CDH10: variants seen among roughly 807,000 people sequenced by gnomAD.
CDH10 encodes the protein cadherin-10.
CDH10 carries 30 observed loss-of-function variants against 73.1 expected under a neutral mutation model. That is an observed-to-expected ratio of 0.41 (90% CI 0.31 to 0.56). The LOEUF is 0.56. Ranked by LOEUF, CDH10 falls within the 20% of genes least tolerant of loss-of-function variation. The pLI is 0.27. For synonymous variants in CDH10, 345 were observed against 348.2 expected (o/e 0.99, Z 0.10); for missense variants, 815 against 973.7 (o/e 0.84, Z 2.17).
At chr5:24,585,732 C>G (rs182844942) in intron 2 of CDH10, among the ~76,000 whole-genome samples, 11 of 152,296 alleles carry the variant, frequency 7.2e-5, no homozygotes, top group Admixed American at 7.2e-4. Flanking sequence ...CCCAAACATA[C>G]TTTTTCTTGG....
chr5:24,605,298 G>A (rs1234146493), intron 1 of CDH10, among the ~76,000 whole-genome samples: 1 of 152,208 alleles, frequency 6.6e-6, no homozygotes. Context: ...GAGGTGAGGA[G>A]CCTGTGACCA....
intron 5 of CDH10, among the ~76,000 whole-genome samples, chr5:24,522,735 T>C (rs1440854074): frequency 6.6e-6 from 1 of 152,112 alleles, no homozygotes; most frequent in East Asian, 1.9e-4. Context: ...CTAAAAAAGA[T>C]CTAAAAGATT....
intron 2 of CDH10, among the ~76,000 whole-genome samples, chr5:24,583,473 G>A (rs1031657250): frequency 6.6e-6 from 1 of 152,010 alleles, no homozygotes; most frequent in Non-Finnish European, 1.5e-5. Flanking sequence ...TAATGGCTAT[G>A]AAAATTAATT....
intron 2 of CDH10, among the ~76,000 whole-genome samples, chr5:24,587,439 G>A (rs369674338): frequency 2.0e-5 from 3 of 152,096 alleles, no homozygotes; most frequent in African/African-American, 4.8e-5. Flanking sequence ...GAAAATGAGA[G>A]AGCTCTGGTA....
chr5:24,487,494 G>C lies in CDH10; in HGVS notation c.*169C>G. 1 of 626,144 alleles carries C rather than the reference G, an allele frequency of 1.6e-6. No individual in the cohort carries two copies. The highest frequency in any genetic ancestry group is 2.1e-5 in the South Asian group (1 of 48,680). 38.8% of individuals were successfully genotyped at this position (626,144 alleles called of 1,614,324 possible). ...ATAAAATGTCATATATATTCCATGAGACATCCTACAGGAAAGAATTAATGT... is the reference window on the plus strand; with the variant it reads ...ATAAAATGTCATATATATTCCATGACACATCCTACAGGAAAGAATTAATGT... On this transcript the variant is annotated 3_prime_UTR_variant, in exon 12 of 12. Transcript: ENST00000264463.
chr5:24,516,655 T>C (rs1296104567), intron 5 of CDH10, among the ~76,000 whole-genome samples: 1 of 152,038 alleles, frequency 6.6e-6, no homozygotes, highest in Non-Finnish European at 1.5e-5. Context: ...TTTATTGTTT[T>C]CTGCAAATCC....
intron 8 of CDH10, among the ~76,000 whole-genome samples, chr5:24,499,100 G>T (rs1332016453): frequency 6.6e-6 from 1 of 152,080 alleles, no homozygotes; most frequent in East Asian, 1.9e-4. Context: ...CTATGTCTGT[G>T]ACTACTTTTA....
chr5:24,501,965 C>T (rs117070847), intron 8 of CDH10, among the ~76,000 whole-genome samples: 1 of 151,892 alleles, frequency 6.6e-6, no homozygotes, highest in South Asian at 2.1e-4. Context: ...GTCGCCCTGG[C>T]TGCAGTGCAG....
intron 8 of CDH10, 38 bp downstream of exon 8, chr5:24,505,074 T>C: frequency 1.5e-6 from 2 of 1,372,348 alleles, no homozygotes; most frequent in Non-Finnish European, 2.1e-6. Flanking sequence ...AACATAAACA[T>C]ATCTAGATAT....
Position 24,491,775 on chromosome 5 carries a change from G to A in CDH10, c.1677C>T (p.Ile559=), listed in dbSNP as rs1041033641. 2 of 1,606,746 alleles carry A rather than the reference G, an allele frequency of 1.2e-6. No homozygotes were observed. Among genetic ancestry groups the A allele is most frequent in the South Asian group, 1.1e-5 (1 of 90,898 alleles). ...TRKNGFNRHE[I]STYLLPVVIS... ...TCACCACAGGCAAGAGATAGGTACT[G>A]ATTTCATGTCTATTGAATCCATTTT... The change falls in exon 11 of 12, where the codon ATC becomes ATT. Residue 559 remains isoleucine, a synonymous_variant. Coordinates refer to ENST00000264463, the MANE Select transcript of CDH10 (RefSeq NM_006727.5).
chr5:24,642,045 G>A (rs778357250), intron 1 of CDH10, among the ~76,000 whole-genome samples: 1 of 152,002 alleles, frequency 6.6e-6, no homozygotes, highest in East Asian at 1.9e-4. Flanking sequence ...ATATAATATG[G>A]CTAATGCTTT....
chr5:24,643,939 C>T (rs2112228365), intron 1 of CDH10, among the ~76,000 whole-genome samples: 1 of 152,246 alleles, frequency 6.6e-6, no homozygotes, highest in South Asian at 2.1e-4. Flanking sequence ...TGACTACATG[C>T]ATTTACTCTC....
intron 11 of CDH10, among the ~76,000 whole-genome samples, chr5:24,490,801 T>A (rs983578068): frequency 6.6e-6 from 1 of 152,178 alleles, no homozygotes; most frequent in Non-Finnish European, 1.5e-5. Context: ...TTTAACTTTA[T>A]TTTGTATATA....
rs748395403 is a variant in CDH10 at position 24,537,583 on chromosome 5, GT to G, written c.322del (p.Thr108GlnfsTer30). 4 of 1,608,866 alleles carry G rather than the reference GT, an allele frequency of 2.5e-6. No individual in the cohort carries two copies. The highest frequency in any genetic ancestry group is 1.7e-5 in the Admixed American group (1 of 59,892). ...TCGCCTTGTGGCATGAATATCACCT[GT>G]TTTTTCATCAATAATAAAAAGAGTA... ...AGTLFIIDEK[T>X]GDIHATRRID... is the part of the protein sequence containing the mutation. On this transcript the variant is annotated frameshift_variant, in exon 3 of 12. Coordinates refer to ENST00000264463, the MANE Select transcript of CDH10 (RefSeq NM_006727.5). LOFTEE classifies it high-confidence loss of function.
At chr5:24,522,458 T>A (rs141175772) in intron 5 of CDH10, among the ~76,000 whole-genome samples, 1 of 151,278 alleles carries the variant, frequency 6.6e-6, no homozygotes, top group South Asian at 2.1e-4. Context: ...ATGCATGAGA[T>A]CCAGAAAGTT....
At chr5:24,559,857 GTTTC>G (rs1247963031) in intron 2 of CDH10, among the ~76,000 whole-genome samples, 1 of 152,058 alleles carries the variant, frequency 6.6e-6, no homozygotes, top group Non-Finnish European at 1.5e-5. Context: ...ACCCCTATCA[GTTTC>G]TTTATTTTAT....
At position 24,513,616 on chromosome 5, in the gene CDH10, T is replaced by A. The variant is rs181722992; in HGVS notation, c.815-2102A>T. Among the ~76,000 whole-genome samples the A allele has an allele frequency of 3.9e-5, 6 of 152,306 alleles. No individual in the cohort carries two copies. The South Asian group carries it at 1.0e-3, about 26-fold the overall frequency. On this transcript the variant is annotated intron_variant, in intron 5 of 11. Transcript: ENST00000264463. ...ACTACAGGCATATACATACGCTACA[T>A]GTTGGAAGTCATTTCCTAAGAGGCA...
At position 24,511,451 on chromosome 5, in the gene CDH10, G is replaced by T; in HGVS notation, c.878C>A (p.Ala293Glu). Residue 293 changes from alanine to glutamate, a missense_variant, in exon 6 of 12, where the codon GCA (alanine) becomes GAA (glutamate). Physicochemically the swap from Ala to Glu is moderately radical, Grantham distance 107. Around this residue, in one of 3 missense-constraint regions of CDH10, gnomAD observed 516 missense variants for 636.6 expected, o/e 0.81. Transcript: ENST00000264463. ...ATTTTTCCCAGTGTCAGCATCAGTT[G>T]CTTTGACACTTCCAATGGCTGTGCC... The part of the protein sequence containing the change: ...PVGTAIGSVK[A>E]TDADTGKNAE... 1 of 1,608,296 alleles carries T rather than the reference G, an allele frequency of 6.2e-7. No individual in the cohort carries two copies. Among genetic ancestry groups the T allele is most frequent in the Non-Finnish European group, 8.5e-7 (1 of 1,175,046 alleles).
intron 1 of CDH10, among the ~76,000 whole-genome samples, chr5:24,640,275 AATAG>A (rs970537824): frequency 2.0e-5 from 3 of 151,636 alleles, no homozygotes; most frequent in Admixed American, 6.6e-5. Context: ...GGGAGATGGA[AATAG>A]ATATAGATTT....
Sources: gnomAD v4.1 joint callset for allele counts (sites outside exome capture counted in the v4.1 genomes callset) on GRCh38, gnomAD v4.1.1 for gene constraint, gnomAD v4.1.1 regional missense constraint, MANE v1.5 for transcripts, NCBI Gene and HGNC (gene_info 2026-07-23, HGNC 2026-07-21) for gene names.